The following ARRDC2 variants were observed in gnomAD, a reference collection of about 807,000 sequenced individuals.
The protein encoded by ARRDC2 is arrestin domain containing 2.
In ARRDC2, 39 loss-of-function variants were observed where a neutral mutation model predicts 38.9. That is an observed-to-expected ratio of 1.00 (90% confidence interval 0.78 to 1.31). The LOEUF is 1.31. ARRDC2 is among the 50% of genes most tolerant of loss of function. The probability of loss-of-function intolerance (pLI) is 0.00; values close to 1 mark genes in which losing one functional copy is unlikely to be tolerated. For synonymous variants in ARRDC2, 300 were observed against 261.9 expected, an observed-to-expected ratio of 1.15 and a Z score of -1.41; for missense variants, 553 against 588.4, an observed-to-expected ratio of 0.94 and a Z score of 0.62.
At position 18,009,793 on chromosome 19, in the gene ARRDC2, C is replaced by T; in HGVS notation, c.603C>T (p.Ile201=). Residue 201 remains isoleucine (I), a synonymous_variant, in exon 5 of 8, where the codon ATC becomes ATT. Transcript: ENST00000222250. ...DRKGYTPGEV[I]PVFAEIDNGS... ...TGCTCCTTGCTGCAGGAGAGGTCATCCCTGTCTTTGCCGAGATCGACAACG... is the reference window on the plus strand; with the variant it reads ...TGCTCCTTGCTGCAGGAGAGGTCATTCCTGTCTTTGCCGAGATCGACAACG... The T allele has an allele frequency of 6.2e-7, 1 of 1,612,900 alleles. No homozygotes were observed. Among genetic ancestry groups the T allele is most frequent in the Non-Finnish European group, 8.5e-7 (1 of 1,179,912 alleles).
upstream of ARRDC2, among the ~76,000 whole-genome samples, chr19:18,003,833 G>T (rs1440154815): frequency 3.3e-5 from 5 of 151,986 alleles, no homozygotes; most frequent in Non-Finnish European, 7.4e-5. Flanking sequence ...TAGAGACGGG[G>T]TTTCACCATG....
exon 1 of ARRDC2, chr19:18,001,499 T>C (rs1052024081): frequency 1.5e-6 from 2 of 1,368,366 alleles, no homozygotes; most frequent in African/African-American, 3.0e-5. Context: ...GGTCGCAGCG[T>C]GGGCGTCAAC....
rs775883916 is a variant in ARRDC2 at position 18,013,006 on chromosome 19, G to C, written c.*40G>C. ...CCTCGAGGAACAAGGTTGCACACCA[G>C]CTTTCAGCCACCATGACTGTGGGGA... is the stretch of plus-strand genomic sequence containing the variant. On this transcript the variant is annotated 3_prime_UTR_variant, in exon 8 of 8. Coordinates refer to ENST00000222250, the MANE Select transcript of ARRDC2 (RefSeq NM_015683.2). 5 of 1,606,668 alleles carry C rather than the reference G, an allele frequency of 3.1e-6. No individual in the cohort carries two copies. In the East Asian group the frequency reaches 1.1e-4, roughly 36 times the overall value.
intron 7 of ARRDC2, among the ~76,000 whole-genome samples, chr19:18,012,490 G>A (rs1402197706): frequency 6.6e-6 from 1 of 152,092 alleles, no homozygotes; most frequent in Non-Finnish European, 1.5e-5. Flanking sequence ...ACGAGGCTGA[G>A]GCAGGAGAAT....
intron 3 of ARRDC2, chr19:18,009,337 C>T (rs1050701480): frequency 7.7e-6 from 5 of 652,570 alleles, no homozygotes; most frequent in Admixed American, 2.9e-5. Context: ...TCAGATGCCT[C>T]TTCTGTGAAA....
In ARRDC2 at chr19:18,013,894, GAC is replaced by G. The variant is rs145858419; in HGVS notation, c.*933_*934del. The G allele has an allele frequency of 6.6e-6, 1 of 152,286 alleles. No homozygotes were observed. Among genetic ancestry groups the G allele is most frequent in the African/African-American group, 2.4e-5 (1 of 41,558 alleles). The allele number at this position is 152,286 out of a possible 1,614,324, so 9.4% of individuals were successfully genotyped here. A position where few individuals can be genotyped will look rare whatever the true frequency, so the allele number is the denominator to read the frequency against. On this transcript the variant is annotated 3_prime_UTR_variant, in exon 8 of 8. Transcript: ENST00000222250. ...CTGGGGACAGAGGTCAGCCTAAGGT[GAC>G]ACACGGGGACTACTGTGCTTCCGGA...
Position 18,013,496 on chromosome 19 carries a change from G to A in ARRDC2, c.*530G>A, listed in dbSNP as rs2033453436. On this transcript the variant is annotated 3_prime_UTR_variant, in exon 8 of 8. Transcript: ENST00000222250. The stretch of plus-strand genomic sequence containing the variant: ...ACGTTTGGAATCCACCCCGTTTATT[G>A]TAGAACTGGGGGTTCAGAGGGCAGG... 1 of 153,020 alleles carries A rather than the reference G, an allele frequency of 6.5e-6. No homozygotes were observed. Among genetic ancestry groups the A allele is most frequent in the African/African-American group, 2.4e-5 (1 of 41,458 alleles). 9.5% of individuals were successfully genotyped at this position (153,020 alleles called of 1,614,324 possible).
At position 18,010,657 on chromosome 19, in the gene ARRDC2, CATG is replaced by C; in HGVS notation, c.1100_1102del (p.Met367del). ...CCTTCCCGCTTCCGCAGGACCCCGACATGAGCCTTGAAGGCCCGTTCTTCGCCT... is the reference window on the plus strand; with the variant it reads ...CCTTCCCGCTTCCGCAGGACCCCGACAGCCTTGAAGGCCCGTTCTTCGCCT... On this transcript the variant is annotated inframe_deletion, in exon 7 of 8. Coordinates refer to ENST00000222250, the MANE Select transcript of ARRDC2 (RefSeq NM_015683.2). The C allele has an allele frequency of 6.2e-7, 1 of 1,613,866 alleles. No individual in the cohort carries two copies. The highest frequency in any genetic ancestry group is 1.6e-4 in the Middle Eastern group (1 of 6,062).
chr19:18,005,905 T>C (rs1162921659), upstream of ARRDC2, among the ~76,000 whole-genome samples: 1 of 133,640 alleles, frequency 7.5e-6, no homozygotes, highest in Admixed American at 7.4e-5. Context: ...TCCTCACTTC[T>C]CAGACGGGGC....
upstream of ARRDC2, among the ~76,000 whole-genome samples, chr19:18,006,166 C>T (rs1446255848): frequency 3.3e-5 from 5 of 151,220 alleles, no homozygotes. Context: ...CAGAGGGGCT[C>T]CTCACATCCC....
rs2033362182 is a variant in ARRDC2, at chr19:18,009,604, G to A, written c.502G>A (p.Gly168Arg). 1 of 1,602,832 alleles carries A rather than the reference G, an allele frequency of 6.2e-7. No individual in the cohort carries two copies. The highest frequency in any genetic ancestry group is 1.7e-5 in the Admixed American group (1 of 59,158). ...TCTACACCGACAGGCACCTCAAGCG[G>A]GGGCTCGGGAAAAGGTTGCCCGATC... is the stretch of plus-strand genomic sequence containing the variant. ...NTPALLAPQA[G>R]AREKVARSWY... Residue 168 changes from glycine (G) to arginine (R), a missense_variant, in exon 4 of 8, where the codon GGG (glycine) becomes AGG (arginine). Around this residue, in one of 3 missense-constraint regions of ARRDC2, gnomAD observed 447 missense variants for 456.6 expected, o/e 0.98. Transcript: ENST00000222250.
intron 1 of ARRDC2, among the ~76,000 whole-genome samples, chr19:18,002,373 T>C (rs572994064): frequency 6.6e-6 from 1 of 152,302 alleles, no homozygotes; most frequent in African/African-American, 2.4e-5. Context: ...TCAGTCCTTC[T>C]CGCACCCCAA....
At position 18,009,123 on chromosome 19, in the gene ARRDC2, G is replaced by T; in HGVS notation, c.489+5G>T. 6.2e-7 allele frequency: 1 copy of T among 1,613,274 alleles called. No homozygotes were observed. The highest frequency in any genetic ancestry group is 1.1e-5 in the South Asian group (1 of 91,068). ...ATCAACACGCCAGCCCTGCTGGTGA[G>T]TGGCCACCCTTGGGGAGGTAGGTTG... On this transcript the variant is annotated splice_donor_5th_base_variant and intron_variant, in intron 3 of 7. Transcript: ENST00000222250.
chr19:18,005,811 A>T (rs891962032), upstream of ARRDC2, among the ~76,000 whole-genome samples: 38 of 143,406 alleles, frequency 2.6e-4, no homozygotes, highest in African/African-American at 9.3e-4. Context: ...CCGGGCGGAG[A>T]AGCTCCTCAC....
chr19:18,008,738 C>T lies in ARRDC2; in HGVS notation c.302C>T (p.Pro101Leu). ...PDTGETTTLP[P>L]GRHEFLFSFQ... ...ACCGGGGAGACCACGACGCTGCCTC[C>T]TGGGCGCCATGAGTTCCTGTTCAGC... Residue 101 changes from proline to leucine, a missense_variant, in exon 2 of 8, where the codon CCT (proline) becomes CTT (leucine). Transcript: ENST00000222250. The T allele has an allele frequency of 6.2e-7, 1 of 1,613,604 alleles. No individual in the cohort carries two copies. The highest frequency in any genetic ancestry group is 1.3e-5 in the African/African-American group (1 of 75,038).
chr19:18,010,714 A>G lies in ARRDC2; in HGVS notation c.1155A>G (p.Pro385=), dbSNP rs1298338577. The change falls in exon 7 of 8, where the codon CCA becomes CCG. Residue 385 remains proline (P), a synonymous_variant. Transcript: ENST00000222250. ...TCCAAGAGTTCCGCTACCGCCCGCCACCCCTGTACTCTGAGGTGAGCTCAG... is the reference window on the plus strand; with the variant it reads ...TCCAAGAGTTCCGCTACCGCCCGCCGCCCCTGTACTCTGAGGTGAGCTCAG... ...AYIQEFRYRP[P]PLYSEEDPNP... is the part of the protein sequence containing the mutation. The G allele has an allele frequency of 3.7e-6, 6 of 1,613,132 alleles. No individual in the cohort carries two copies. The highest frequency in any genetic ancestry group is 8.5e-7 in the Non-Finnish European group (1 of 1,179,926).
chr19:18,004,870 C>T (rs1412411140), upstream of ARRDC2, among the ~76,000 whole-genome samples: 2 of 150,686 alleles, frequency 1.3e-5, no homozygotes, highest in Non-Finnish European at 3.0e-5. Context: ...CATGGTGGTA[C>T]ACACCTGTAA....
chr19:18,010,498 C>A, intron 6 of ARRDC2, 74 bp from the exon 7 acceptor site: 1 of 1,573,936 alleles, frequency 6.4e-7, no homozygotes, highest in South Asian at 1.1e-5. Flanking sequence ...TGGCACAAGC[C>A]AGCTCCTGGC....
intron 5 of ARRDC2, 46 bp downstream of exon 5, chr19:18,010,085 T>C: frequency 6.2e-7 from 1 of 1,605,086 alleles, no homozygotes; most frequent in Non-Finnish European, 8.5e-7. Flanking sequence ...ACATTCACCC[T>C]GTATTCCCTC....
Sources: allele counts gnomAD v4.1 joint callset (sites outside exome capture counted in the v4.1 genomes callset), GRCh38; gene constraint gnomAD v4.1.1; regional missense constraint gnomAD v4.1.1; transcripts MANE v1.5; gene names NCBI Gene and HGNC (gene_info 2026-07-23, HGNC 2026-07-21).